Variants in TMC1 observed in about 807,000 individuals in gnomAD.
The protein encoded by TMC1 is transmembrane channel like 1, also known as transmembrane channel-like protein 1.
TMC1 carries 84 observed loss-of-function variants against 105.8 expected under a neutral mutation model. The ratio of observed to expected loss-of-function variants is 0.79; its 90% confidence interval spans 0.67 to 0.95. TMC1 has a LOEUF of 0.95. Ranked by LOEUF, TMC1 falls within the 40% of genes least tolerant of loss-of-function variation. TMC1 has a pLI of 0.00. For missense variants in TMC1, 817 were observed against 914.1 expected, an observed-to-expected ratio of 0.89 and a Z score of 1.37; for synonymous variants, 315 against 311.5, an observed-to-expected ratio of 1.01 and a Z score of -0.12.
At chr9:72,739,268 T>C (rs2118011666) in intron 8 of TMC1, among the ~76,000 whole-genome samples, 1 of 152,318 alleles carries the variant, frequency 6.6e-6, no homozygotes, top group South Asian at 2.1e-4. Flanking sequence ...ATTCCATTCA[T>C]GAGGGTTCTA....
chr9:72,578,348 A>G (rs1208827939), intron 2 of TMC1: 1 of 151,842 alleles, frequency 6.6e-6, no homozygotes. Flanking sequence ...TCAAGCAGGT[A>G]TGTCCATGTT....
intron 8 of TMC1, among the ~76,000 whole-genome samples, chr9:72,705,265 GA>G (rs2117886782): frequency 6.6e-6 from 1 of 152,302 alleles, no homozygotes; most frequent in African/African-American, 2.4e-5. Context: ...GTGGTAGATT[GA>G]AAGTGCTCAT....
intron 4 of TMC1, among the ~76,000 whole-genome samples, chr9:72,638,505 G>A (rs1825571420): frequency 6.6e-6 from 1 of 152,156 alleles, no homozygotes; most frequent in Non-Finnish European, 1.5e-5. Context: ...CCGAACTGCA[G>A]CAGCCCCCTT....
At chr9:72,807,240 G>T (rs1333507215) in intron 18 of TMC1, among the ~76,000 whole-genome samples, 1 of 152,172 alleles carries the variant, frequency 6.6e-6, no homozygotes, top group Non-Finnish European at 1.5e-5. Context: ...GAGGGAGACC[G>T]TGGAAAGAGA....
At position 72,609,684 on chromosome 9, in the gene TMC1, A is replaced by C. The variant is rs878943339; in HGVS notation, c.-305-6684A>C. Among the ~76,000 whole-genome samples the C allele has an allele frequency of 3.9e-5, 6 of 152,310 alleles. 1 individual carries two copies. The East Asian group carries it at 1.2e-3, about 29-fold the overall frequency. ...AAATTGGGAACCTTTATACATCAAT[A>C]ATTTTATTCTCATAATACTTGGAAA... On this transcript the variant is annotated intron_variant, in intron 2 of 23. Transcript: ENST00000297784.
chr9:72,553,252 C>T (rs1823885472), intron 1 of TMC1, among the ~76,000 whole-genome samples: 2 of 152,032 alleles, frequency 1.3e-5, no homozygotes, highest in Admixed American at 1.3e-4. Context: ...GGATTATAGG[C>T]GTGAGTCACC....
intron 13 of TMC1, among the ~76,000 whole-genome samples, chr9:72,779,883 G>T (rs1362844469): frequency 6.6e-6 from 1 of 152,106 alleles, no homozygotes; most frequent in Non-Finnish European, 1.5e-5. Flanking sequence ...CACTAGAGAG[G>T]TCAACATTCA....
intron 15 of TMC1, among the ~76,000 whole-genome samples, chr9:72,790,037 C>T (rs144977267): frequency 6.6e-6 from 1 of 152,252 alleles, no homozygotes; most frequent in African/African-American, 2.4e-5. Context: ...GGAGGTTAGA[C>T]ATAGATCATT....
At chr9:72,695,021 A>T (rs1284281168) in intron 7 of TMC1, among the ~76,000 whole-genome samples, 2 of 152,192 alleles carry the variant, frequency 1.3e-5, no homozygotes, top group Non-Finnish European at 2.9e-5. Flanking sequence ...ATGCATTGTT[A>T]TCTAGGTTAA....
At chr9:72,655,865 T>C in intron 5 of TMC1, 1 of 763,446 alleles carries the variant, frequency 1.3e-6, no homozygotes, top group East Asian at 2.4e-5. Flanking sequence ...CCATCTCAAC[T>C]CCTGGCTCAA....
intron 1 of TMC1, among the ~76,000 whole-genome samples, chr9:72,569,128 G>A (rs1473354007): frequency 6.6e-6 from 1 of 152,138 alleles, no homozygotes; most frequent in African/African-American, 2.4e-5. Context: ...ATATAAAATG[G>A]TACAGTATTT....
chr9:72,545,135 T>TACAC (rs1224786397), intron 1 of TMC1, among the ~76,000 whole-genome samples: 4 of 129,506 alleles, frequency 3.1e-5, no homozygotes, highest in Non-Finnish European at 4.6e-5. Flanking sequence ...ATGATATATA[T>TACAC]ATACACACAC....
chr9:72,749,081 A>C (rs892259386), intron 10 of TMC1, among the ~76,000 whole-genome samples: 1 of 152,346 alleles, frequency 6.6e-6, no homozygotes, highest in Middle Eastern at 3.4e-3. Context: ...ATGCTTAAGC[A>C]TGTTGGAGGA....
At chr9:72,529,317 T>C (rs774965062) in intron 1 of TMC1, among the ~76,000 whole-genome samples, 2 of 152,106 alleles carry the variant, frequency 1.3e-5, no homozygotes, top group Non-Finnish European at 2.9e-5. Flanking sequence ...CCCGGTGTGG[T>C]GGCGGGCACT....
At chr9:72,578,977 G>A (rs1035621000) in intron 2 of TMC1, among the ~76,000 whole-genome samples, 3 of 152,164 alleles carry the variant, frequency 2.0e-5, no homozygotes, top group African/African-American at 7.2e-5. Context: ...GGGGAGAGTA[G>A]CTCAAATTGG....
chr9:72,569,847 T>C (rs1254139085), intron 1 of TMC1, among the ~76,000 whole-genome samples: 1 of 152,206 alleles, frequency 6.6e-6, no homozygotes, highest in Non-Finnish European at 1.5e-5. Context: ...TGGTTCTGGC[T>C]GATCCCCCTG....
At chr9:72,609,179 C>CCCCT (rs1554715332) in intron 2 of TMC1, among the ~76,000 whole-genome samples, 9 of 136,058 alleles carry the variant, frequency 6.6e-5, no homozygotes, top group South Asian at 2.7e-4. Flanking sequence ...CTTCCTCCTT[C>CCCCT]CCTTCCTTCC....
At chr9:72,636,112 T>C (rs1185824224) in intron 4 of TMC1, among the ~76,000 whole-genome samples, 1 of 152,182 alleles carries the variant, frequency 6.6e-6, no homozygotes, top group Non-Finnish European at 1.5e-5. Flanking sequence ...ACCAAACTTC[T>C]ACCCGGGTGG....
At chr9:72,693,231 A>T (rs1020166353) in intron 6 of TMC1, among the ~76,000 whole-genome samples, 3 of 152,180 alleles carry the variant, frequency 2.0e-5, no homozygotes, top group Non-Finnish European at 4.4e-5. Context: ...AAAAGTTTTA[A>T]CAAGTGGTAA....
Sources: gnomAD v4.1 joint callset for allele counts (sites outside exome capture counted in the v4.1 genomes callset) on GRCh38, gnomAD v4.1.1 for gene constraint, MANE v1.5 for transcripts, NCBI Gene and HGNC (gene_info 2026-07-23, HGNC 2026-07-21) for gene names.